The following CDH1 variants were observed in gnomAD, a reference collection of about 807,000 sequenced individuals.
CDH1 encodes the protein cadherin 1, also known as cadherin-1.
Under a neutral mutation model 84.5 loss-of-function variants are expected in CDH1, and 35 were observed. The observed-to-expected ratio is 0.41, with a 90% confidence interval of 0.32 to 0.55. The LOEUF is 0.55. Among genes scored for constraint, CDH1 ranks in the 20% least tolerant of loss-of-function variants. The pLI, the probability that CDH1 is intolerant of heterozygous loss-of-function variation, is 0.19. For missense variants in CDH1, 994 were observed against 1,126.6 expected, an observed-to-expected ratio of 0.88 and a Z score of 1.68; for synonymous variants, 417 against 439.0, an observed-to-expected ratio of 0.95 and a Z score of 0.63.
At chr16:68,811,226 T>C (rs556275263) in intron 6 of CDH1, among the ~76,000 whole-genome samples, 1 of 151,870 alleles carries the variant, frequency 6.6e-6, no homozygotes, top group Non-Finnish European at 1.5e-5. Flanking sequence ...GGAGAAACCC[T>C]GTCTCTACTA....
intron 2 of CDH1, among the ~76,000 whole-genome samples, chr16:68,781,021 T>C (rs1382239088): frequency 6.6e-6 from 1 of 152,230 alleles, no homozygotes; most frequent in Non-Finnish European, 1.5e-5. Flanking sequence ...GCTACTGCAA[T>C]GGTCCAGGAG....
intron 2 of CDH1, among the ~76,000 whole-genome samples, chr16:68,784,570 T>C (rs1033795542): frequency 6.6e-6 from 1 of 152,126 alleles, no homozygotes; most frequent in Non-Finnish European, 1.5e-5. Flanking sequence ...AGTGGTGATT[T>C]CTGAGATTTT....
chr16:68,802,705 A>G (rs1399112101), intron 3 of CDH1, among the ~76,000 whole-genome samples: 1 of 152,178 alleles, frequency 6.6e-6, no homozygotes, highest in African/African-American at 2.4e-5. Flanking sequence ...TCCTGACCTC[A>G]AATGATCTGC....
intron 11 of CDH1, among the ~76,000 whole-genome samples, chr16:68,821,670 C>T (rs1961146389): frequency 6.6e-6 from 1 of 152,224 alleles, no homozygotes; most frequent in Middle Eastern, 3.4e-3. Flanking sequence ...AGGGAAACAA[C>T]AGGCAGGCAA....
At position 68,833,592 on chromosome 16, in the gene CDH1, G is replaced by A; in HGVS notation, c.*93G>A. 1 of 958,436 alleles carries A rather than the reference G, an allele frequency of 1.0e-6. No homozygotes were observed. The highest frequency in any genetic ancestry group is 1.7e-6 in the Non-Finnish European group (1 of 592,384). 59.4% of individuals were successfully genotyped at this position (958,436 alleles called of 1,614,324 possible). A position where few individuals can be genotyped will look rare whatever the true frequency, so the allele number is the denominator to read the frequency against. ...TTTCAGCTCCCTTCCCTTGAGATGAGTTTCTGGGGAAAAAAAAGAGACTGG... is the reference window on the plus strand; with the variant it reads ...TTTCAGCTCCCTTCCCTTGAGATGAATTTCTGGGGAAAAAAAAGAGACTGG... On this transcript the variant is annotated 3_prime_UTR_variant, in exon 16 of 16. Transcript: ENST00000261769.
rs146846256 is a variant in CDH1, at chr16:68,750,798, G to A, written c.163+12387G>A. Among the ~76,000 whole-genome samples, 255 of 150,880 alleles carry A rather than the reference G, an allele frequency of 1.7e-3. 1 individual carries two copies. The highest frequency in any genetic ancestry group is 5.6e-3 in the African/African-American group (232 of 41,090). On this transcript the variant is annotated intron_variant, in intron 2 of 15. Transcript: ENST00000261769. ...TGGCTCACTTCAGCCTCGACCTCCC[G>A]GGCTCAAGCAATCCTCCCACCTCAG... is the stretch of plus-strand genomic sequence containing the variant.
chr16:68,784,018 T>C (rs1211164292), intron 2 of CDH1, among the ~76,000 whole-genome samples: 1 of 152,158 alleles, frequency 6.6e-6, no homozygotes, highest in Non-Finnish European at 1.5e-5. Flanking sequence ...ATTGAGTGGA[T>C]GCCCATCATT....
chr16:68,817,978 C>T (rs972383337), intron 10 of CDH1, among the ~76,000 whole-genome samples: 4 of 152,046 alleles, frequency 2.6e-5, no homozygotes, highest in Non-Finnish European at 4.4e-5. Flanking sequence ...GTGGCTCACA[C>T]CTGCAATCCC....
At chr16:68,788,484 T>C (rs917447788) in intron 2 of CDH1, among the ~76,000 whole-genome samples, 11 of 152,222 alleles carry the variant, frequency 7.2e-5, no homozygotes, top group African/African-American at 2.7e-4. Context: ...TTTTTGTCTC[T>C]AGTTTTCTAG....
chr16:68,820,057 A>C (rs184858611), intron 11 of CDH1, among the ~76,000 whole-genome samples: 1 of 151,900 alleles, frequency 6.6e-6, no homozygotes, highest in Non-Finnish European at 1.5e-5. Flanking sequence ...AAATTAGCTG[A>C]GTGTGTTGGT....
rs556930764 is a variant in CDH1 at position 68,833,559 on chromosome 16, T to A, written c.*60T>A. Reference sequence around the variant, plus strand: ...CTGGGAAATGCAGAAATCACGTTGCTGGTGGTTTTTCAGCTCCCTTCCCTT... The same window carrying A: ...CTGGGAAATGCAGAAATCACGTTGCAGGTGGTTTTTCAGCTCCCTTCCCTT... On this transcript the variant is annotated 3_prime_UTR_variant, in exon 16 of 16. Transcript: ENST00000261769. 2.8e-5 allele frequency: 40 copies of A among 1,407,656 alleles called. No individual in the cohort carries two copies. The highest frequency in any genetic ancestry group is 4.0e-5 in the Non-Finnish European group (40 of 994,578). 87.2% of individuals were successfully genotyped at this position (1,407,656 alleles called of 1,614,324 possible). A position where few individuals can be genotyped will look rare whatever the true frequency, so the allele number is the denominator to read the frequency against.
chr16:68,779,824 G>T (rs1011224483), intron 2 of CDH1, among the ~76,000 whole-genome samples: 1 of 152,050 alleles, frequency 6.6e-6, no homozygotes, highest in Non-Finnish European at 1.5e-5. Flanking sequence ...CTGCACTCCA[G>T]CCTGGCAACA....
chr16:68,825,906 TC>T (rs1961310832), intron 13 of CDH1, among the ~76,000 whole-genome samples: 1 of 150,390 alleles, frequency 6.6e-6, no homozygotes, highest in Non-Finnish European at 1.5e-5. Flanking sequence ...AGCCTTGACT[TC>T]CGGGGCTCAG....
intron 2 of CDH1, among the ~76,000 whole-genome samples, chr16:68,738,936 CTTTTTTTTTTTTTT>C (rs1555509828): frequency 2.6e-4 from 3 of 11,440 alleles, no homozygotes; most frequent in Non-Finnish European, 4.6e-4. Context: ...GATATAAAAG[CTTTTTTTTTTTTTT>C]TTTTTTTTTT....
At chr16:68,825,087 A>G (rs1961283456) in intron 13 of CDH1, among the ~76,000 whole-genome samples, 1 of 152,008 alleles carries the variant, frequency 6.6e-6, no homozygotes, top group Admixed American at 6.6e-5. Context: ...CTACAAAATA[A>G]AAATAAAAAA....
chr16:68,793,156 C>A (rs1291977720), intron 2 of CDH1, among the ~76,000 whole-genome samples: 1 of 152,178 alleles, frequency 6.6e-6, no homozygotes. Flanking sequence ...GATACTCCAA[C>A]CTGCTTATCT....
chr16:68,816,593 CAAG>C (rs938858127), intron 10 of CDH1, among the ~76,000 whole-genome samples: 7 of 152,072 alleles, frequency 4.6e-5, no homozygotes, highest in Admixed American at 2.0e-4. Flanking sequence ...ACTAAAAACA[CAAG>C]AAATTAGCTG....
At chr16:68,760,991 G>A (rs892017148) in intron 2 of CDH1, among the ~76,000 whole-genome samples, 1 of 152,162 alleles carries the variant, frequency 6.6e-6, no homozygotes, top group African/African-American at 2.4e-5. Flanking sequence ...ATGACAGATG[G>A]TATATTTGGA....
chr16:68,811,875 G>T lies in CDH1; in HGVS notation c.1008+16G>T, dbSNP rs780181188. ...GGACCGAGAGGTCAGGGGTCAGGAGGATCCAGAGGGTGTGGAGGACAAATG... is the reference window on the plus strand; with the variant it reads ...GGACCGAGAGGTCAGGGGTCAGGAGTATCCAGAGGGTGTGGAGGACAAATG... On this transcript the variant is annotated intron_variant, in intron 7 of 15. Coordinates refer to ENST00000261769, the MANE Select transcript of CDH1 (RefSeq NM_004360.5). 9 of 1,613,712 alleles carry T rather than the reference G, an allele frequency of 5.6e-6. No homozygotes were observed. The South Asian group carries it at 9.9e-5, about 18-fold the overall frequency.
Sources: gnomAD v4.1 joint callset for allele counts (sites outside exome capture counted in the v4.1 genomes callset) on GRCh38, gnomAD v4.1.1 for gene constraint, MANE v1.5 for transcripts, NCBI Gene and HGNC (gene_info 2026-07-23, HGNC 2026-07-21) for gene names.